MYZAP: variants seen among roughly 807,000 people sequenced by gnomAD.
The protein encoded by MYZAP is GRINL1A complex locus upstream.
In MYZAP, 66 loss-of-function variants were observed where a neutral mutation model predicts 69.4. The observed-to-expected ratio is 0.95, with a 90% confidence interval of 0.78 to 1.17. MYZAP has a LOEUF of 1.17. Among genes scored for constraint, MYZAP ranks in the 50% most tolerant of loss-of-function variants. The pLI is 0.00. For synonymous variants in MYZAP, 256 were observed against 205.9 expected (o/e 1.24, Z -2.09); for missense variants, 611 against 556.2 (o/e 1.10, Z -0.99).
intron 1 of MYZAP, among the ~76,000 whole-genome samples, chr15:57,594,511 A>G (rs1039410176): frequency 1.1e-4 from 16 of 152,354 alleles, no homozygotes; most frequent in South Asian, 2.1e-4. Flanking sequence ...AACCATCTCA[A>G]TGGAATACTT....
At chr15:57,668,889 TATA>T (rs771743566) in intron 11 of MYZAP, among the ~76,000 whole-genome samples, 1,427 of 127,620 alleles carry the variant, frequency 0.011, 29 homozygotes, top group African/African-American at 0.035. Context: ...TATATATATA[TATA>T]TATTTTTTTT....
chr15:57,646,139 C>G, intron 10 of MYZAP: 1 of 1,289,224 alleles, frequency 7.8e-7, no homozygotes, highest in Non-Finnish European at 1.0e-6. Flanking sequence ...GTCTCCAGAT[C>G]ATGTCGCACG....
At chr15:57,646,148 C>T (rs749455455) in intron 10 of MYZAP, 30 of 1,289,170 alleles carry the variant, frequency 2.3e-5, no homozygotes, top group Non-Finnish European at 2.6e-5. Context: ...TCATGTCGCA[C>T]GAGCTCTTCT....
intron 1 of MYZAP, among the ~76,000 whole-genome samples, chr15:57,594,689 A>G (rs2033941688): frequency 6.6e-6 from 1 of 152,210 alleles, no homozygotes; most frequent in African/African-American, 2.4e-5. Flanking sequence ...GACAAAAATC[A>G]TCAAATGATG....
At chr15:57,630,620 C>A (rs1328222735) in intron 6 of MYZAP, among the ~76,000 whole-genome samples, 1 of 152,144 alleles carries the variant, frequency 6.6e-6, no homozygotes, top group Non-Finnish European at 1.5e-5. Flanking sequence ...TGGGAGCATT[C>A]CTTAGCTGAA....
At chr15:57,655,129 C>G (rs1365660558) in intron 10 of MYZAP, among the ~76,000 whole-genome samples, 1 of 152,086 alleles carries the variant, frequency 6.6e-6, no homozygotes, top group Non-Finnish European at 1.5e-5. Context: ...AAGGGGGACA[C>G]AAAGGCAGCC....
chr15:57,673,263 C>T (rs1361244517), intron 11 of MYZAP, among the ~76,000 whole-genome samples: 3 of 152,106 alleles, frequency 2.0e-5, no homozygotes, highest in Non-Finnish European at 4.4e-5. Flanking sequence ...GTATTAGACC[C>T]AGCATGCTGT....
chr15:57,615,351 C>T (rs1248414465), intron 2 of MYZAP, among the ~76,000 whole-genome samples: 1 of 152,190 alleles, frequency 6.6e-6, no homozygotes, highest in Non-Finnish European at 1.5e-5. Context: ...ATCTTGATCT[C>T]TTTCTGTGTG....
Position 57,621,685 on chromosome 15 carries a change from C to T in MYZAP, c.396C>T (p.Leu132=). ...YDEMRQKIRQ[L]TQELSVSHAQ... The stretch of plus-strand genomic sequence containing the variant: ...AGATGAGACAGAAGATTCGACAGCT[C>T]ACCCAGGAACTATCAGTAAGTCATT... The change falls in exon 4 of 13, where the codon CTC becomes CTT. Residue 132 remains leucine, a synonymous_variant. Coordinates refer to ENST00000267853, the MANE Select transcript of MYZAP (RefSeq NM_001018100.5). 6.2e-7 allele frequency: 1 copy of T among 1,613,818 alleles called. No individual in the cohort carries two copies. The highest frequency in any genetic ancestry group is 8.5e-7 in the Non-Finnish European group (1 of 1,179,802).
At chr15:57,619,522 TGCGCACCGCTACA>T (rs1412973935) in intron 3 of MYZAP, among the ~76,000 whole-genome samples, 1 of 152,026 alleles carries the variant, frequency 6.6e-6, no homozygotes, top group Admixed American at 6.6e-5. Flanking sequence ...GGACTGCAGG[TGCGCACCGCTACA>T]CCCAGATAAT....
chr15:57,659,229 G>T (rs928390752), intron 10 of MYZAP, among the ~76,000 whole-genome samples: 1 of 152,014 alleles, frequency 6.6e-6, no homozygotes, highest in Non-Finnish European at 1.5e-5. Context: ...GCATAACAAG[G>T]TATCTCACGT....
chr15:57,602,445 C>G (rs1679851427), intron 1 of MYZAP, among the ~76,000 whole-genome samples: 1 of 152,164 alleles, frequency 6.6e-6, no homozygotes, highest in African/African-American at 2.4e-5. Flanking sequence ...ATTTCCCACT[C>G]TTATAAGGAC....
At position 57,674,050 on chromosome 15, in the gene MYZAP, G is replaced by A. The variant is rs549796433; in HGVS notation, c.1204-918G>A. Among the ~76,000 whole-genome samples the A allele has an allele frequency of 3.3e-5, 5 of 152,272 alleles. No individual in the cohort carries two copies. The East Asian group carries it at 5.8e-4, about 18-fold the overall frequency. ...CTGCTTCATGAACATTTAGTCTAGC[G>A]TTACTGAAAAATATATAGAAGCACT... is the stretch of plus-strand genomic sequence containing the variant. On this transcript the variant is annotated intron_variant, in intron 11 of 12. Transcript: ENST00000267853.
intron 2 of MYZAP, 126 bp downstream of exon 2, chr15:57,604,481 T>C: frequency 2.1e-6 from 2 of 949,530 alleles, no homozygotes; most frequent in Non-Finnish European, 3.1e-6. Context: ...GAGAAGGCCC[T>C]CTCAACCTTC....
intron 1 of MYZAP, chr15:57,599,580 G>C: frequency 1.6e-6 from 2 of 1,287,248 alleles, no homozygotes; most frequent in Non-Finnish European, 2.0e-6. Context: ...CAGCTGCTTT[G>C]GGAACCCCTG....
chr15:57,604,422 C>T, intron 2 of MYZAP, 67 bp downstream of exon 2: 1 of 1,568,720 alleles, frequency 6.4e-7, no homozygotes, highest in Admixed American at 1.7e-5. Context: ...ACTCTCCCAT[C>T]TCCTAACCAG....
chr15:57,681,818 G>A (rs55765315), intron 12 of MYZAP, among the ~76,000 whole-genome samples: 3,809 of 151,974 alleles, frequency 0.025, 166 homozygotes, highest in African/African-American at 0.088. Flanking sequence ...TCAGAAGCCT[G>A]TATAATAGTG....
chr15:57,636,715 T>C (rs1332310834), intron 8 of MYZAP, among the ~76,000 whole-genome samples: 1 of 152,252 alleles, frequency 6.6e-6, no homozygotes, highest in Non-Finnish European at 1.5e-5. Context: ...TGAACATTTT[T>C]CAGCTTTGTC....
At chr15:57,659,001 T>A (rs1212945073) in intron 10 of MYZAP, among the ~76,000 whole-genome samples, 1 of 152,182 alleles carries the variant, frequency 6.6e-6, no homozygotes, top group South Asian at 2.1e-4. Flanking sequence ...CTTTATTTTT[T>A]CCTCCAAACT....
Sources: gnomAD v4.1 joint callset for allele counts (sites outside exome capture counted in the v4.1 genomes callset) on GRCh38, gnomAD v4.1.1 for gene constraint, MANE v1.5 for transcripts, NCBI Gene and HGNC (gene_info 2026-07-23, HGNC 2026-07-21) for gene names.